The following VCL variants were observed in gnomAD, a reference collection of about 807,000 sequenced individuals.
VCL encodes epididymis luminal protein 114.
A neutral mutation model predicts 125.7 loss-of-function variants in VCL; 47 were observed. That is an observed-to-expected ratio of 0.37 (90% CI 0.30 to 0.48). VCL has a LOEUF of 0.48. Ranked by LOEUF, VCL falls within the 20% of genes least tolerant of loss-of-function variation. The pLI is 0.99. For missense variants in VCL, 1,069 were observed against 1,455.5 expected, an observed-to-expected ratio of 0.73 and a Z score of 4.32; for synonymous variants, 458 against 514.6, an observed-to-expected ratio of 0.89 and a Z score of 1.49.
At chr10:74,120,955 T>A (rs766589778), downstream of VCL, 4 of 152,120 alleles carry the variant, frequency 2.6e-5, no homozygotes, top group Non-Finnish European at 4.4e-5. Flanking sequence ...ACTAAAATAG[T>A]AGGAGCAGGT....
rs148672332 is a variant in VCL, at chr10:74,038,143, G to C, written c.169-4940G>C. 1.2e-3 allele frequency among the ~76,000 whole-genome samples: 189 copies of C among 152,112 alleles called. 1 individual carries two copies. The East Asian group carries it at 0.032, about 26-fold the overall frequency. On this transcript the variant is annotated intron_variant, in intron 1 of 21. Transcript: ENST00000211998. Reference sequence around the variant, plus strand: ...CTCCCAAGTAGCTGGGATTACAGGTGCCTGCCACACCCCTGGCTAATTTTT... The same window carrying C: ...CTCCCAAGTAGCTGGGATTACAGGTCCCTGCCACACCCCTGGCTAATTTTT...
At chr10:74,033,857 C>T (rs1564513735) in intron 1 of VCL, among the ~76,000 whole-genome samples, 1 of 152,154 alleles carries the variant, frequency 6.6e-6, no homozygotes, top group Non-Finnish European at 1.5e-5. Context: ...GAGCCAGGGG[C>T]TGGGAGCCAT....
In VCL at chr10:74,109,164, G is replaced by A. The variant is rs760209991; in HGVS notation, c.2745+8G>A. On this transcript the variant is annotated splice_region_variant and intron_variant, in intron 18 of 21. Transcript: ENST00000211998. The stretch of plus-strand genomic sequence containing the variant: ...CGCAAATGGTCCAGCAAGGTAAGTA[G>A]TGAAGCTTTTCTTGTTGAGAAAGGA... The A allele has an allele frequency of 1.9e-6, 3 of 1,613,950 alleles. No individual in the cohort carries two copies. The African/African-American group carries it at 4.0e-5, about 22-fold the overall frequency.
At chr10:74,022,014 GAAACC>G (rs1840677670) in intron 1 of VCL, among the ~76,000 whole-genome samples, 1 of 151,920 alleles carries the variant, frequency 6.6e-6, no homozygotes, top group Non-Finnish European at 1.5e-5. Context: ...TTCTTGCTCA[GAAACC>G]TATGCCTTGT....
At chr10:74,011,745 T>C (rs891500564) in intron 1 of VCL, among the ~76,000 whole-genome samples, 9 of 152,196 alleles carry the variant, frequency 5.9e-5, no homozygotes, top group African/African-American at 2.2e-4. Flanking sequence ...TATTATATTG[T>C]GTTGGGTACA....
At chr10:74,066,247 C>G (rs1841568569) in intron 2 of VCL, among the ~76,000 whole-genome samples, 1 of 151,868 alleles carries the variant, frequency 6.6e-6, no homozygotes, top group South Asian at 2.1e-4. Context: ...TTAATACAGA[C>G]AGGGTTTCTC....
intron 1 of VCL, among the ~76,000 whole-genome samples, chr10:74,032,240 T>TAAAAAAAA (rs770412004): frequency 5.3e-4 from 40 of 75,666 alleles, no homozygotes; most frequent in African/African-American, 1.1e-3. Context: ...TGTTTCAGAA[T>TAAAAAAAA]AAAAAAAAAA....
At chr10:74,041,435 A>C (rs1841091973) in intron 1 of VCL, among the ~76,000 whole-genome samples, 1 of 152,208 alleles carries the variant, frequency 6.6e-6, no homozygotes, top group Non-Finnish European at 1.5e-5. Flanking sequence ...ATTTTGAAGA[A>C]AGTGAATATG....
chr10:74,081,163 T>G lies in VCL; in HGVS notation c.784-1291T>G, dbSNP rs562172638. ...ATTTAGTTCACTTCTTTTTCATTGC[T>G]ATAGCTGAGAATTTGCTATTTAGAG... On this transcript the variant is annotated intron_variant, in intron 6 of 21. Coordinates refer to ENST00000211998, the MANE Select transcript of VCL (RefSeq NM_014000.3). 5.9e-5 allele frequency among the ~76,000 whole-genome samples: 9 copies of G among 152,344 alleles called. No individual in the cohort carries two copies. In the East Asian group the frequency reaches 1.7e-3, roughly 29 times the overall value.
chr10:74,047,849 T>C (rs1420292568), intron 2 of VCL, among the ~76,000 whole-genome samples: 1 of 152,212 alleles, frequency 6.6e-6, no homozygotes, highest in Non-Finnish European at 1.5e-5. Flanking sequence ...AATGATACAA[T>C]TGTCGATGAG....
At chr10:74,072,688 G>C in intron 4 of VCL, 42 bp from the exon 5 acceptor site, 4 of 1,613,600 alleles carry the variant, frequency 2.5e-6, no homozygotes, top group Non-Finnish European at 3.4e-6. Flanking sequence ...ACCCGGGATT[G>C]TTTCACTACT....
intron 1 of VCL, among the ~76,000 whole-genome samples, chr10:74,024,484 G>A (rs932493986): frequency 1.3e-5 from 2 of 151,982 alleles, no homozygotes; most frequent in African/African-American, 2.4e-5. Context: ...GGTGGCAGGC[G>A]CCTGTAGTAC....
At chr10:74,059,295 G>A (rs1288627639) in intron 2 of VCL, among the ~76,000 whole-genome samples, 1 of 151,836 alleles carries the variant, frequency 6.6e-6, no homozygotes, top group Non-Finnish European at 1.5e-5. Context: ...GGCAGAGTTT[G>A]CAGTGGGCTG....
intron 1 of VCL, 77 bp downstream of exon 1, chr10:73,998,452 T>C (rs192805804): frequency 7.8e-7 from 1 of 1,278,678 alleles, no homozygotes; most frequent in African/African-American, 1.6e-5. Flanking sequence ...CGGCTGCCTG[T>C]GGCCGGCTCG....
rs182736907 is a variant in VCL, at chr10:74,060,087, A to G, written c.240-10583A>G. Among the ~76,000 whole-genome samples the G allele has an allele frequency of 2.3e-3, 351 of 152,226 alleles. 1 individual carries two copies. The highest frequency in any genetic ancestry group is 6.9e-3 in the Admixed American group (105 of 15,286). On this transcript the variant is annotated intron_variant, in intron 2 of 21. Transcript: ENST00000211998. ...TGAGGTGGGAGGATCACTTGAGCCC[A>G]GGAGTTCAAGACCAGTGTGGGCAAC...
chr10:74,112,664 G>T (rs1840245621), intron 19 of VCL, among the ~76,000 whole-genome samples: 1 of 152,140 alleles, frequency 6.6e-6, no homozygotes, highest in African/African-American at 2.4e-5. Context: ...CTGACTGCTT[G>T]TCCAGGTATC....
At chr10:74,017,668 T>A (rs1453850749) in intron 1 of VCL, among the ~76,000 whole-genome samples, 1 of 150,962 alleles carries the variant, frequency 6.6e-6, no homozygotes, top group Non-Finnish European at 1.5e-5. Flanking sequence ...TCCTCCCACC[T>A]CAGCCTCCCA....
rs532223051 is a variant in VCL at position 74,045,242 on chromosome 10, G to A, written c.239+2089G>A. 3.4e-4 allele frequency among the ~76,000 whole-genome samples: 51 copies of A among 150,338 alleles called. 1 individual carries two copies. The highest frequency in any genetic ancestry group is 3.4e-4 in the Non-Finnish European group (23 of 67,750). On this transcript the variant is annotated intron_variant, in intron 2 of 21. Transcript: ENST00000211998. ...AATCTCAAAAATAATTGAGGGAAAT[G>A]AAAAACAGAGAGACAGAGAGACGGA...
intron 18 of VCL, among the ~76,000 whole-genome samples, chr10:74,110,411 T>G (rs1224038919): frequency 1.3e-5 from 2 of 152,208 alleles, no homozygotes; most frequent in Non-Finnish European, 2.9e-5. Context: ...TCTCCTGAAG[T>G]GTGCAAGATC....
Sources: allele counts gnomAD v4.1 joint callset (sites outside exome capture counted in the v4.1 genomes callset), GRCh38; gene constraint gnomAD v4.1.1; transcripts MANE v1.5; gene names NCBI Gene and HGNC (gene_info 2026-07-23, HGNC 2026-07-21).